Variants in DLGAP2 observed in about 807,000 individuals in gnomAD.
The protein encoded by DLGAP2 is DLG associated protein 2, also known as disks large-associated protein 2.
Under a neutral mutation model 100.3 loss-of-function variants are expected in DLGAP2, and 26 were observed. The observed-to-expected ratio is 0.26, with a 90% CI of 0.19 to 0.36. The LOEUF is 0.36. Among genes scored for constraint, DLGAP2 ranks in the 10% least tolerant of loss-of-function variants. DLGAP2 has a pLI of 1.00. For synonymous variants in DLGAP2, 886 were observed against 630.1 expected, an observed-to-expected ratio of 1.41 and a Z score of -6.08; for missense variants, 1,858 against 1,453.2, an observed-to-expected ratio of 1.28 and a Z score of -4.53.
At chr8:889,684 G>C (rs1797994839) in intron 1 of DLGAP2, among the ~76,000 whole-genome samples, 2 of 152,158 alleles carry the variant, frequency 1.3e-5, no homozygotes, top group Admixed American at 6.5e-5. Context: ...ATGGGTGCCG[G>C]GGAGTTTAGC....
intron 1 of DLGAP2, among the ~76,000 whole-genome samples, chr8:791,506 G>A (rs779762623): frequency 7.2e-5 from 11 of 152,138 alleles, no homozygotes; most frequent in South Asian, 4.1e-4. Flanking sequence ...GATCTAATAA[G>A]TCTCTGGTGT....
intron 3 of DLGAP2, among the ~76,000 whole-genome samples, chr8:1,279,267 T>C (rs1417690534): frequency 6.6e-6 from 1 of 152,252 alleles, no homozygotes; most frequent in East Asian, 1.9e-4. Context: ...CGTCAGTTCT[T>C]GATTCTATGT....
intron 1 of DLGAP2, among the ~76,000 whole-genome samples, chr8:750,929 C>T (rs186819376): frequency 7.9e-5 from 12 of 152,344 alleles, no homozygotes; most frequent in Middle Eastern, 3.4e-3. Flanking sequence ...GGCCCCGGCT[C>T]GTTTTGTCTG....
chr8:1,437,795 C>A (rs947649476), intron 3 of DLGAP2, among the ~76,000 whole-genome samples: 36 of 137,824 alleles, frequency 2.6e-4, no homozygotes, highest in African/African-American at 9.3e-4. Flanking sequence ...TTGTGAAACC[C>A]CGTCTCTACT....
chr8:1,082,283 C>T (rs1803837601), intron 2 of DLGAP2, among the ~76,000 whole-genome samples: 1 of 152,122 alleles, frequency 6.6e-6, no homozygotes, highest in Non-Finnish European at 1.5e-5. Flanking sequence ...TTTGCAAAAA[C>T]AGGAAAAATC....
At chr8:1,471,600 A>C (rs1563168986) in intron 3 of DLGAP2, among the ~76,000 whole-genome samples, 2 of 129,768 alleles carry the variant, frequency 1.5e-5, no homozygotes, top group Non-Finnish European at 3.2e-5. Flanking sequence ...ACCTCCTCTC[A>C]CCTCCTGCCC....
rs116273916 is a variant in DLGAP2 at position 1,049,953 on chromosome 8, C to T, written c.73+141987C>T. Among the ~76,000 whole-genome samples the T allele has an allele frequency of 4.9e-3, 743 of 152,308 alleles. 6 individuals are homozygous for T. The highest frequency in any genetic ancestry group is 0.017 in the African/African-American group (711 of 41,570). ...GTACACACGTGGATATATGCACACA[C>T]ATGCTGTCACACACATGTGCCTACG... On this transcript the variant is annotated intron_variant, in intron 2 of 14. Coordinates refer to ENST00000637795, the MANE Select transcript of DLGAP2 (RefSeq NM_001346810.2).
intron 2 of DLGAP2, among the ~76,000 whole-genome samples, chr8:1,233,711 C>T (rs983545334): frequency 1.3e-5 from 2 of 152,096 alleles, no homozygotes; most frequent in Non-Finnish European, 2.9e-5. Context: ...GAGCACATGT[C>T]AGTTGACTTT....
chr8:1,452,412 C>T (rs928307412), intron 3 of DLGAP2, among the ~76,000 whole-genome samples: 3 of 152,210 alleles, frequency 2.0e-5, no homozygotes, highest in Admixed American at 1.3e-4. Context: ...TTCATCAGCC[C>T]CAGCTGGGGA....
chr8:786,354 G>A (rs1215068716), intron 1 of DLGAP2, among the ~76,000 whole-genome samples: 1 of 152,166 alleles, frequency 6.6e-6, no homozygotes, highest in East Asian at 1.9e-4. Flanking sequence ...CCGAGACACT[G>A]GCGTGGTGCT....
intron 2 of DLGAP2, among the ~76,000 whole-genome samples, chr8:1,165,812 G>A (rs1460104880): frequency 6.6e-6 from 1 of 151,296 alleles, no homozygotes; most frequent in Non-Finnish European, 1.5e-5. Flanking sequence ...TTTCTTCTTT[G>A]GCTATCATTT....
At chr8:1,468,148 C>A (rs971244442) in intron 3 of DLGAP2, among the ~76,000 whole-genome samples, 17 of 152,222 alleles carry the variant, frequency 1.1e-4, no homozygotes, top group Non-Finnish European at 1.8e-4. Flanking sequence ...GGCCCTGAGT[C>A]CCCAGCAGCC....
intron 2 of DLGAP2, among the ~76,000 whole-genome samples, chr8:1,093,037 G>A (rs1804236487): frequency 1.3e-5 from 2 of 152,120 alleles, no homozygotes; most frequent in African/African-American, 2.4e-5. Flanking sequence ...GGAAGAGCCA[G>A]TGCTGCAGCT....
intron 1 of DLGAP2, among the ~76,000 whole-genome samples, chr8:856,477 G>A (rs762195926): frequency 6.6e-5 from 10 of 152,030 alleles, no homozygotes; most frequent in South Asian, 4.1e-4. Context: ...CATGAGCCAC[G>A]GCACCCAGCA....
At chr8:1,069,282 C>G (rs1053539443) in intron 2 of DLGAP2, among the ~76,000 whole-genome samples, 1 of 152,126 alleles carries the variant, frequency 6.6e-6, no homozygotes, top group Non-Finnish European at 1.5e-5. Flanking sequence ...CTGGGCCGGA[C>G]AGAGCTGGGG....
At chr8:1,013,380 G>A (rs930475742) in intron 2 of DLGAP2, among the ~76,000 whole-genome samples, 17 of 152,172 alleles carry the variant, frequency 1.1e-4, no homozygotes, top group African/African-American at 3.9e-4. Context: ...AGAGCCTCAC[G>A]CTTGTTTGTA....
At chr8:1,613,917 A>T (rs1364001821) in intron 6 of DLGAP2, among the ~76,000 whole-genome samples, 1 of 152,224 alleles carries the variant, frequency 6.6e-6, no homozygotes, top group Non-Finnish European at 1.5e-5. Context: ...CAAAGGACTA[A>T]ATTGCTACCT....
chr8:925,065 G>C (rs1798784641), intron 2 of DLGAP2, among the ~76,000 whole-genome samples: 1 of 152,130 alleles, frequency 6.6e-6, no homozygotes, highest in Non-Finnish European at 1.5e-5. Flanking sequence ...TGGTTAAAGT[G>C]TATTGATAAT....
intron 3 of DLGAP2, among the ~76,000 whole-genome samples, chr8:1,344,548 G>T (rs948393099): frequency 4.6e-5 from 7 of 152,148 alleles, no homozygotes; most frequent in Middle Eastern, 6.3e-3. Flanking sequence ...TCTCCATAAG[G>T]ATGTCACAGA....
Sources: gnomAD v4.1 joint callset for allele counts (sites outside exome capture counted in the v4.1 genomes callset) on GRCh38, gnomAD v4.1.1 for gene constraint, MANE v1.5 for transcripts, NCBI Gene and HGNC (gene_info 2026-07-23, HGNC 2026-07-21) for gene names.